The following RTN4R variants were observed in gnomAD, a reference collection of about 807,000 sequenced individuals.
RTN4R encodes reticulon-4 receptor.
Under a neutral mutation model 27.7 loss-of-function variants are expected in RTN4R, and 4 were observed. The ratio of observed to expected loss-of-function variants is 0.14; its 90% CI spans 0.07 to 0.33. RTN4R has a LOEUF of 0.33. RTN4R is among the 10% of genes least tolerant of loss of function. RTN4R has a pLI of 1.00. For synonymous variants in RTN4R, 290 were observed against 305.6 expected, an observed-to-expected ratio of 0.95 and a Z score of 0.53; for missense variants, 554 against 671.5, an observed-to-expected ratio of 0.83 and a Z score of 1.93.
intron 1 of RTN4R, among the ~76,000 whole-genome samples, chr22:20,251,607 C>T (rs1195154128): frequency 6.7e-6 from 1 of 148,746 alleles, no homozygotes; most frequent in Non-Finnish European, 1.5e-5. Context: ...TTACCATCCT[C>T]ATTACCATCA....
chr22:20,259,058 T>C (rs537267661), intron 1 of RTN4R, among the ~76,000 whole-genome samples: 2 of 152,168 alleles, frequency 1.3e-5, no homozygotes, highest in Admixed American at 1.3e-4. Context: ...AGGTCACTTG[T>C]CCCTGGAGTC....
chr22:20,260,195 C>T (rs1170792793), intron 1 of RTN4R, among the ~76,000 whole-genome samples: 2 of 152,086 alleles, frequency 1.3e-5, no homozygotes, highest in East Asian at 1.9e-4. Flanking sequence ...CCCTAGGGGG[C>T]TCATCTGTAG....
At chr22:20,254,498 C>A (rs2051201417) in intron 1 of RTN4R, among the ~76,000 whole-genome samples, 1 of 148,994 alleles carries the variant, frequency 6.7e-6, no homozygotes, top group Admixed American at 6.8e-5. Context: ...TGCCAGGAAA[C>A]AACAACACTG....
chr22:20,268,305 C>CGGG lies in RTN4R; in HGVS notation c.-214_-213insCCC, dbSNP rs1569044630. ...CGCAGGGCGCACAGGGCGAGGGCGGCGGCGGCGCGGGGGTTGGGGCGTGGG... is the reference window on the plus strand; with the variant it reads ...CGCAGGGCGCACAGGGCGAGGGCGGCGGGGGCGGCGCGGGGGTTGGGGCGTGGG... On this transcript the variant is annotated 5_prime_UTR_variant, in exon 1 of 2. Coordinates refer to ENST00000043402, the MANE Select transcript of RTN4R (RefSeq NM_023004.6). 15 of 810 alleles carry CGGG rather than the reference C, an allele frequency of 0.019. No homozygotes were observed. The highest frequency in any genetic ancestry group is 0.071 in the South Asian group (2 of 28). The allele number at this position is 810 out of a possible 1,614,324, so 0.1% of individuals were successfully genotyped here.
chr22:20,245,985 C>A (rs1359067841), intron 1 of RTN4R, among the ~76,000 whole-genome samples: 1 of 152,250 alleles, frequency 6.6e-6, no homozygotes, highest in East Asian at 1.9e-4. Flanking sequence ...AGAGGGCTCT[C>A]CTCAGCCTCC....
At chr22:20,267,280 C>T (rs2051283443) in intron 1 of RTN4R, among the ~76,000 whole-genome samples, 1 of 152,256 alleles carries the variant, frequency 6.6e-6, no homozygotes, top group Non-Finnish European at 1.5e-5. Context: ...GCACCATGGA[C>T]ATCAGCAGGG....
chr22:20,249,849 C>A (rs1334958629), intron 1 of RTN4R, among the ~76,000 whole-genome samples: 2 of 152,194 alleles, frequency 1.3e-5, no homozygotes, highest in Admixed American at 6.5e-5. Flanking sequence ...TGAAAAGACA[C>A]GTGTGGGTCC....
chr22:20,247,300 C>T (rs2051146849), intron 1 of RTN4R, among the ~76,000 whole-genome samples: 1 of 152,280 alleles, frequency 6.6e-6, no homozygotes, highest in Non-Finnish European at 1.5e-5. Flanking sequence ...CAGGCGGTCA[C>T]GTCACAGACC....
chr22:20,245,656 G>C (rs1310938782), intron 1 of RTN4R, among the ~76,000 whole-genome samples: 3 of 152,250 alleles, frequency 2.0e-5, no homozygotes, highest in South Asian at 2.1e-4. Context: ...AGGCCACAAG[G>C]CCTCTCTGGC....
intron 1 of RTN4R, among the ~76,000 whole-genome samples, chr22:20,260,233 C>G (rs553404691): frequency 6.6e-6 from 1 of 152,280 alleles, no homozygotes; most frequent in South Asian, 2.1e-4. Context: ...AGAAGCCAAT[C>G]CCTGCTGGGC....
chr22:20,241,677 T>C lies in RTN4R; in HGVS notation c.*34A>G, dbSNP rs1302526596. ...GAGAGACCCCGTATGTACACACACC[T>C]GGCTGCTGAGCACGCTCTTGTGTCC... is the stretch of plus-strand genomic sequence containing the variant. On this transcript the variant is annotated 3_prime_UTR_variant, in exon 2 of 2. Coordinates refer to ENST00000043402, the MANE Select transcript of RTN4R (RefSeq NM_023004.6). 1 of 1,547,764 alleles carries C rather than the reference T, an allele frequency of 6.5e-7. No individual in the cohort carries two copies. Among genetic ancestry groups the C allele is most frequent in the Non-Finnish European group, 8.7e-7 (1 of 1,146,128 alleles).
chr22:20,264,476 T>C (rs1456103233), intron 1 of RTN4R, among the ~76,000 whole-genome samples: 1 of 152,220 alleles, frequency 6.6e-6, no homozygotes, highest in Non-Finnish European at 1.5e-5. Flanking sequence ...TCCTATCCTT[T>C]AAAGCATTTA....
At chr22:20,264,394 T>C (rs1463081690) in intron 1 of RTN4R, among the ~76,000 whole-genome samples, 1 of 151,900 alleles carries the variant, frequency 6.6e-6, no homozygotes, top group Non-Finnish European at 1.5e-5. Context: ...CCAGGGACAG[T>C]GCAGGGAGAT....
At chr22:20,249,656 T>C (rs1385891115) in intron 1 of RTN4R, among the ~76,000 whole-genome samples, 1 of 152,072 alleles carries the variant, frequency 6.6e-6, no homozygotes, top group Non-Finnish European at 1.5e-5. Context: ...CACTGAGCAG[T>C]AGAGGGTTGC....
intron 1 of RTN4R, among the ~76,000 whole-genome samples, chr22:20,251,137 C>T (rs1254801756): frequency 1.1e-4 from 17 of 152,118 alleles, no homozygotes; most frequent in Non-Finnish European, 1.5e-5. Flanking sequence ...GGGACTCTGG[C>T]CAGGTCACAC....
intron 1 of RTN4R, among the ~76,000 whole-genome samples, chr22:20,263,576 C>T (rs1208000521): frequency 5.3e-5 from 8 of 152,244 alleles, no homozygotes; most frequent in South Asian, 2.1e-4. Context: ...GGGCCCAGGG[C>T]AGGCTGCTCT....
At chr22:20,260,090 C>T (rs559202209) in intron 1 of RTN4R, among the ~76,000 whole-genome samples, 32 of 152,268 alleles carry the variant, frequency 2.1e-4, no homozygotes, top group African/African-American at 7.2e-4. Flanking sequence ...TGGCAGGCCA[C>T]ACTCAAGTCC....
intron 1 of RTN4R, among the ~76,000 whole-genome samples, chr22:20,257,037 C>A (rs1445401472): frequency 6.6e-6 from 1 of 152,208 alleles, no homozygotes; most frequent in Non-Finnish European, 1.5e-5. Context: ...GGCTGGTGAC[C>A]CGCATACAGG....
At chr22:20,264,280 A>G (rs2051264779) in intron 1 of RTN4R, among the ~76,000 whole-genome samples, 5 of 152,260 alleles carry the variant, frequency 3.3e-5, no homozygotes, top group Admixed American at 3.3e-4. Context: ...CAGAAAACCC[A>G]TGATGCACAA....
Sources: allele counts gnomAD v4.1 joint callset (sites outside exome capture counted in the v4.1 genomes callset), GRCh38; gene constraint gnomAD v4.1.1; transcripts MANE v1.5; gene names NCBI Gene and HGNC (gene_info 2026-07-23, HGNC 2026-07-21).